Variants in SLC7A2 observed in about 807,000 individuals in gnomAD.
SLC7A2 encodes the protein solute carrier family 7 member 2, also known as cationic amino acid transporter 2.
A neutral mutation model predicts 58.9 loss-of-function variants in SLC7A2; 48 were observed. The ratio of observed to expected loss-of-function variants is 0.82; its 90% confidence interval spans 0.65 to 1.04. The LOEUF is 1.04. SLC7A2 is among the 50% of genes least tolerant of loss of function. SLC7A2 has a pLI of 0.00. For synonymous variants in SLC7A2, 363 were observed against 314.5 expected, an observed-to-expected ratio of 1.15 and a Z score of -1.63; for missense variants, 1,029 against 818.8, an observed-to-expected ratio of 1.26 and a Z score of -3.13.
chr8:17,550,202 TA>T, intron 5 of SLC7A2, 98 bp from the exon 6 acceptor site: 1 of 1,142,954 alleles, frequency 8.7e-7, no homozygotes, highest in Non-Finnish European at 1.3e-6. Context: ...AAAGAGCTAA[TA>T]AACACAACCA....
Position 17,566,846 on chromosome 8 carries a change from T to C in SLC7A2, c.*1700T>C, listed in dbSNP as rs1185089132. On this transcript the variant is annotated 3_prime_UTR_variant, in exon 13 of 13. Transcript: ENST00000494857. ...TTTCCCAGGACAGCATGGTGAACAT[T>C]ACCAGGCATGCTAGCTGGCCCGTGT... The C allele has an allele frequency of 1.3e-5, 2 of 152,194 alleles. No individual in the cohort carries two copies. Among genetic ancestry groups the C allele is most frequent in the African/African-American group, 4.8e-5 (2 of 41,448 alleles). The allele number at this position is 152,194 out of a possible 1,614,324, so 9.4% of individuals were successfully genotyped here.
intron 8 of SLC7A2, among the ~76,000 whole-genome samples, chr8:17,555,770 C>G (rs1234232829): frequency 6.6e-6 from 1 of 152,164 alleles, no homozygotes; most frequent in Non-Finnish European, 1.5e-5. Context: ...TTTGGCACAT[C>G]TTAATATCCA....
intron 2 of SLC7A2, among the ~76,000 whole-genome samples, chr8:17,506,986 C>T (rs959782022): frequency 6.8e-6 from 1 of 147,904 alleles, no homozygotes; most frequent in Admixed American, 6.8e-5. Context: ...CACTCTGTTG[C>T]CAGGCTGGAG....
chr8:17,533,876 C>T (rs1397047001), intron 2 of SLC7A2, among the ~76,000 whole-genome samples: 2 of 152,194 alleles, frequency 1.3e-5, no homozygotes, highest in East Asian at 3.8e-4. Context: ...TATTAAGCCC[C>T]ACATGCATTA....
At chr8:17,495,803 G>A (rs1799943263), upstream of SLC7A2, among the ~76,000 whole-genome samples, 1 of 152,196 alleles carries the variant, frequency 6.6e-6, no homozygotes, top group Non-Finnish European at 1.5e-5. Context: ...GCGCGCCTCG[G>A]CGTCCCAAAG....
intron 2 of SLC7A2, among the ~76,000 whole-genome samples, chr8:17,503,205 C>T (rs1800235096): frequency 6.6e-6 from 1 of 151,964 alleles, no homozygotes; most frequent in African/African-American, 2.4e-5. Flanking sequence ...CGCCCGCCAC[C>T]ACGCCCGGCT....
At chr8:17,516,755 C>T (rs1800819610) in intron 2 of SLC7A2, among the ~76,000 whole-genome samples, 1 of 152,208 alleles carries the variant, frequency 6.6e-6, no homozygotes, top group African/African-American at 2.4e-5. Context: ...CTTCACTGAA[C>T]TTAACTGGTC....
At chr8:17,499,552 T>A (rs1435087658) in intron 1 of SLC7A2, among the ~76,000 whole-genome samples, 1 of 150,568 alleles carries the variant, frequency 6.6e-6, no homozygotes, top group Non-Finnish European at 1.5e-5. Context: ...CATGTAGATA[T>A]GAACACACTG....
intron 2 of SLC7A2, among the ~76,000 whole-genome samples, chr8:17,504,101 T>C (rs1458000300): frequency 6.6e-6 from 1 of 152,242 alleles, no homozygotes; most frequent in Non-Finnish European, 1.5e-5. Context: ...CGTTTTGCAT[T>C]GATCTGGACC....
intron 1 of SLC7A2, among the ~76,000 whole-genome samples, chr8:17,500,799 T>TACACACACACACACACACACAC (rs60002166): frequency 6.8e-6 from 1 of 146,134 alleles, no homozygotes; most frequent in African/African-American, 2.5e-5. Context: ...AACACACACA[T>TACACACACACACACACACACAC]ACACACACAC....
intron 1 of SLC7A2, chr8:17,500,440 A>G (rs1254718424): frequency 6.6e-6 from 1 of 152,158 alleles, no homozygotes; most frequent in African/African-American, 2.4e-5. Flanking sequence ...AACGCAGCCA[A>G]ATCGGGCAGA....
intron 2 of SLC7A2, among the ~76,000 whole-genome samples, chr8:17,509,693 G>A (rs75851169): frequency 0.037 from 5,605 of 152,206 alleles, 146 homozygotes; most frequent in Middle Eastern, 0.13. Context: ...ACAAAGTGAT[G>A]TATGCAGAAC....
intron 2 of SLC7A2, among the ~76,000 whole-genome samples, chr8:17,530,825 GC>G (rs1018670105): frequency 5.9e-5 from 9 of 152,048 alleles, no homozygotes; most frequent in African/African-American, 2.2e-4. Flanking sequence ...TCCTGCCTTG[GC>G]CCCCCAAAGT....
chr8:17,555,097 C>T, intron 8 of SLC7A2: 1 of 1,612,436 alleles, frequency 6.2e-7, no homozygotes, highest in Non-Finnish European at 8.5e-7. Flanking sequence ...GCTTTACAAA[C>T]TTAGGTTTCT....
chr8:17,530,270 T>A (rs1375436984), intron 2 of SLC7A2, among the ~76,000 whole-genome samples: 1 of 152,200 alleles, frequency 6.6e-6, no homozygotes, highest in Non-Finnish European at 1.5e-5. Flanking sequence ...CTTCTTGCTG[T>A]GTCCCTGCAG....
At chr8:17,494,774 C>T (rs976222523), upstream of SLC7A2, among the ~76,000 whole-genome samples, 1 of 152,136 alleles carries the variant, frequency 6.6e-6, no homozygotes, top group Admixed American at 6.5e-5. Context: ...TAATTTCAAA[C>T]ACGAAATGGA....
At position 17,544,471 on chromosome 8, in the gene SLC7A2, G is replaced by C. The variant is rs1331414083; in HGVS notation, c.397G>C (p.Ala133Pro). The C allele has an allele frequency of 6.2e-7, 1 of 1,614,074 alleles. No homozygotes were observed. The highest frequency in any genetic ancestry group is 8.5e-7 in the Non-Finnish European group (1 of 1,179,974). Residue 133 changes from alanine to proline, a missense_variant, in exon 4 of 13, where the codon GCC becomes CCC. Transcript: ENST00000494857. The part of the protein sequence containing the change: ...YVIGTSSVAR[A>P]WSGTFDELLS... ...GGAAGGTACATCAAGTGTTGCAAGA[G>C]CCTGGAGTGGCACCTTTGATGAACT...
At chr8:17,548,925 G>T (rs1437260223) in intron 5 of SLC7A2, 82 bp downstream of exon 5, 1 of 1,154,044 alleles carries the variant, frequency 8.7e-7, no homozygotes. Flanking sequence ...TTTTTACTCT[G>T]CTAATAAAGA....
At chr8:17,543,213 CACAAACACACACACACACAT>C in intron 2 of SLC7A2, 85 bp from the exon 3 acceptor site, 2 of 937,530 alleles carry the variant, frequency 2.1e-6, no homozygotes, top group South Asian at 1.7e-5. Flanking sequence ...CACACACACA[CACAAACACACACACACACAT>C]ACTCTAATTG....
Sources: allele counts gnomAD v4.1 joint callset (sites outside exome capture counted in the v4.1 genomes callset), GRCh38; gene constraint gnomAD v4.1.1; transcripts MANE v1.5; gene names NCBI Gene and HGNC (gene_info 2026-07-23, HGNC 2026-07-21).